Variants in GIGYF2 observed in about 807,000 individuals in gnomAD.
GIGYF2 encodes GRB10 interacting GYF protein 2, also known as GRB10-interacting GYF protein 2.
In GIGYF2, 25 loss-of-function variants were observed where a neutral mutation model predicts 208.1. That is an observed-to-expected ratio of 0.12 (90% CI 0.09 to 0.17). GIGYF2 has a LOEUF of 0.17. GIGYF2 is among the 10% of genes least tolerant of loss of function. The pLI is 1.00. For missense variants in GIGYF2, 1,302 were observed against 1,579.4 expected, an observed-to-expected ratio of 0.82 and a Z score of 2.98; for synonymous variants, 534 against 543.8, an observed-to-expected ratio of 0.98 and a Z score of 0.25.
chr2:232,823,432 A>G (rs1701159070), intron 21 of GIGYF2, among the ~76,000 whole-genome samples: 1 of 147,596 alleles, frequency 6.8e-6, no homozygotes, highest in Non-Finnish European at 1.5e-5. Flanking sequence ...GGCTCACTAC[A>G]GCCTCAACCT....
intron 25 of GIGYF2, among the ~76,000 whole-genome samples, 179 bp from the exon 26 acceptor site, chr2:232,845,553 C>T (rs1022865814): frequency 6.6e-6 from 1 of 152,124 alleles, no homozygotes; most frequent in African/African-American, 2.4e-5. Flanking sequence ...TTAACTGAGG[C>T]TAGATTTTAA....
At chr2:232,702,244 G>A (rs1393937838) in intron 1 of GIGYF2, among the ~76,000 whole-genome samples, 1 of 152,034 alleles carries the variant, frequency 6.6e-6, no homozygotes, top group Non-Finnish European at 1.5e-5. Context: ...TTTGAGACCA[G>A]CCTGGCCAAC....
chr2:232,794,552 T>C (rs993369548), intron 12 of GIGYF2, among the ~76,000 whole-genome samples, 196 bp from the exon 13 acceptor site: 5 of 152,188 alleles, frequency 3.3e-5, no homozygotes, highest in African/African-American at 1.2e-4. Flanking sequence ...CTCTTACCTT[T>C]TGTCATTCTG....
At chr2:232,748,415 T>C (rs1012794834) in intron 4 of GIGYF2, among the ~76,000 whole-genome samples, 9 of 152,154 alleles carry the variant, frequency 5.9e-5, no homozygotes, top group Non-Finnish European at 1.2e-4. Flanking sequence ...CCTGAGTAGC[T>C]GGGATTATAG....
chr2:232,841,041 G>A (rs1343119866), intron 23 of GIGYF2, among the ~76,000 whole-genome samples: 1 of 150,080 alleles, frequency 6.7e-6, no homozygotes, highest in Non-Finnish European at 1.5e-5. Context: ...CTTCACACTT[G>A]AAGATGACCT....
rs141349470 is a variant in GIGYF2, at chr2:232,843,269, A to G, written c.2890-777A>G. 3.6e-3 allele frequency among the ~76,000 whole-genome samples: 540 copies of G among 151,948 alleles called. 4 individuals are homozygous for G. The highest frequency in any genetic ancestry group is 0.013 in the African/African-American group (518 of 41,402). Reference sequence around the variant, plus strand: ...CCAAAAGCCTACTTAATTTTTAAGAAGTAATTCTGGCCAGGCTCGGTGGCT... The same window carrying G: ...CCAAAAGCCTACTTAATTTTTAAGAGGTAATTCTGGCCAGGCTCGGTGGCT... On this transcript the variant is annotated intron_variant, in intron 23 of 28. Transcript: ENST00000373563.
chr2:232,817,419 A>C, intron 20 of GIGYF2, among the ~76,000 whole-genome samples: 1 of 152,228 alleles, frequency 6.6e-6, no homozygotes, highest in Non-Finnish European at 1.5e-5. Context: ...TTACCATTTT[A>C]AGTGTACTTT....
chr2:232,834,504 A>C (rs1043199219), intron 22 of GIGYF2, among the ~76,000 whole-genome samples: 1 of 152,212 alleles, frequency 6.6e-6, no homozygotes, highest in Non-Finnish European at 1.5e-5. Flanking sequence ...CATTTTTACT[A>C]TGACGTGTCT....
chr2:232,701,247 G>C (rs1695826431), intron 1 of GIGYF2, among the ~76,000 whole-genome samples: 1 of 151,574 alleles, frequency 6.6e-6, no homozygotes. Flanking sequence ...TTAACTATGG[G>C]GTTTCATTAA....
intron 2 of GIGYF2, among the ~76,000 whole-genome samples, chr2:232,734,946 T>A (rs997494250): frequency 2.0e-5 from 3 of 152,196 alleles, no homozygotes; most frequent in African/African-American, 7.2e-5. Context: ...CAGATTAACA[T>A]AGAAAGGTGG....
At chr2:232,708,671 TAAAAAAAAA>T (rs11365519) in intron 2 of GIGYF2, among the ~76,000 whole-genome samples, 1 of 120,388 alleles carries the variant, frequency 8.3e-6, no homozygotes, top group African/African-American at 3.1e-5. Flanking sequence ...CTCATTTCTT[TAAAAAAAAA>T]AAAAAAAAAA....
In GIGYF2 at chr2:232,845,864, T is replaced by C; in HGVS notation, c.3438T>C (p.Leu1146=). The C allele has an allele frequency of 1.2e-6, 2 of 1,608,906 alleles. No individual in the cohort carries two copies. Among genetic ancestry groups the C allele is most frequent in the African/African-American group, 1.3e-5 (1 of 74,932 alleles). The change falls in exon 26 of 29, where the codon CTT becomes CTC. Residue 1146 remains leucine, a synonymous_variant. Transcript: ENST00000373563. ...GGTGTGAACAGATGCTTCATGCCCT[T>C]AATACGGCAAATAACTTGGATGGTA... ...TQWCEQMLHA[L]NTANNLDVPT... is the part of the protein sequence containing the mutation.
intron 8 of GIGYF2, among the ~76,000 whole-genome samples, chr2:232,764,263 A>G (rs556356386): frequency 3.3e-5 from 5 of 152,240 alleles, no homozygotes; most frequent in Admixed American, 2.0e-4. Flanking sequence ...AAAGGATACA[A>G]CCCTCTCAGT....
intron 14 of GIGYF2, among the ~76,000 whole-genome samples, chr2:232,799,552 A>AAATAATAATAAT (rs55730253): frequency 3.1e-4 from 45 of 146,866 alleles, no homozygotes; most frequent in African/African-American, 9.8e-4. Context: ...CCTGTCTTTA[A>AAATAATAATAAT]AATAATAATA....
At chr2:232,756,374 G>A (rs757035055) in intron 6 of GIGYF2, 40 bp downstream of exon 6, 2 of 1,040,312 alleles carry the variant, frequency 1.9e-6, no homozygotes, top group Non-Finnish European at 2.9e-6. Context: ...GGAGGAGGAG[G>A]AGGAGGATAG....
chr2:232,814,735 T>A (rs796420399), intron 18 of GIGYF2, among the ~76,000 whole-genome samples: 2 of 152,318 alleles, frequency 1.3e-5, no homozygotes, highest in South Asian at 2.1e-4. Flanking sequence ...CCCAAGCATT[T>A]TGGATAATGG....
Position 232,832,921 on chromosome 2 carries a change from G to A in GIGYF2, c.2594G>A (p.Arg865Gln), listed in dbSNP as rs942702052. 1.2e-5 allele frequency: 18 copies of A among 1,564,520 alleles called. No homozygotes were observed. The highest frequency in any genetic ancestry group is 1.4e-5 in the African/African-American group (1 of 73,722). Residue 865 changes from arginine (R) to glutamine (Q), a missense_variant, in exon 22 of 29, where the codon CGG becomes CAG. Arg to Gln is a conservative substitution (Grantham distance 43, BLOSUM62 1). Coordinates refer to ENST00000373563, the MANE Select transcript of GIGYF2 (RefSeq NM_001103146.3). ...GCCCAGCGTCGATTAGAGGAGAACC[G>A]GCTGCGGATGGAAGAGGAGGCAGCC... ...EEAQRRLEEN[R>Q]LRMEEEAARL... is the part of the protein sequence containing the mutation.
Position 232,787,234 on chromosome 2 carries a change from T to C in GIGYF2, c.617T>C (p.Ile206Thr). 2 of 1,614,006 alleles carry C rather than the reference T, an allele frequency of 1.2e-6. No individual in the cohort carries two copies. Among genetic ancestry groups the C allele is most frequent in the Non-Finnish European group, 1.7e-6 (2 of 1,179,958 alleles). Residue 206 changes from isoleucine (I) to threonine (T), a missense_variant, in exon 9 of 29, where the codon ATC (isoleucine) becomes ACC (threonine). Physicochemically the swap from Ile to Thr is moderately conservative, Grantham distance 89. Around this residue, in one of 8 missense-constraint regions of GIGYF2, gnomAD observed 189 missense variants for 257.7 expected, o/e 0.73. Transcript: ENST00000373563. ...CGCTCAGAAAGTGAAAATTGGCGCATCTTTAGAGAGGAACAAAATGGAGAA... is the reference window on the plus strand; with the variant it reads ...CGCTCAGAAAGTGAAAATTGGCGCACCTTTAGAGAGGAACAAAATGGAGAA... ...FIRSESENWR[I>T]FREEQNGEDE...
intron 18 of GIGYF2, among the ~76,000 whole-genome samples, chr2:232,814,565 A>ACCCCCCCCCC (rs35081043): frequency 1.3e-5 from 1 of 75,946 alleles, no homozygotes; most frequent in African/African-American, 4.7e-5. Context: ...TCCACCTCAA[A>ACCCCCCCCCC]CCCCCCCCCC....
Sources: allele counts gnomAD v4.1 joint callset (sites outside exome capture counted in the v4.1 genomes callset), GRCh38; gene constraint gnomAD v4.1.1; regional missense constraint gnomAD v4.1.1; transcripts MANE v1.5; gene names NCBI Gene and HGNC (gene_info 2026-07-23, HGNC 2026-07-21).